VWA5B2: variants seen among roughly 807,000 people sequenced by gnomAD.
VWA5B2 encodes von Willebrand factor A domain-containing protein 5B2.
Under a neutral mutation model 118.5 loss-of-function variants are expected in VWA5B2, and 93 were observed. The observed-to-expected ratio is 0.79, with a 90% CI of 0.66 to 0.93. The LOEUF is 0.93. Among genes scored for constraint, VWA5B2 ranks in the 40% least tolerant of loss-of-function variants. The probability of loss-of-function intolerance (pLI) is 0.00; values close to 1 mark genes in which losing one functional copy is unlikely to be tolerated. For synonymous variants in VWA5B2, 708 were observed against 716.3 expected, an observed-to-expected ratio of 0.99 and a Z score of 0.19; for missense variants, 1,546 against 1,672.8, an observed-to-expected ratio of 0.92 and a Z score of 1.32.
Position 184,233,604 on chromosome 3 carries a change from C to T in VWA5B2, c.559C>T (p.Leu187Phe), listed in dbSNP as rs1172197744. ...SPTSCFGVGSLQEEGLAWEEL... is the reference protein window; with the variant it reads ...SPTSCFGVGSFQEEGLAWEEL... ...CACCAGCTGCTTCGGGGTGGGCAGCCTTCAGGAGGAAGGGCTGGCCTGGGA... is the reference window on the plus strand; with the variant it reads ...CACCAGCTGCTTCGGGGTGGGCAGCTTTCAGGAGGAAGGGCTGGCCTGGGA... The change falls in exon 5 of 20, where the codon CTT (leucine) becomes TTT (phenylalanine). Residue 187 changes from leucine to phenylalanine, a missense_variant. Transcript: ENST00000691901. The surrounding 1 kb of genome is among the most constrained non-coding windows in gnomAD (Gnocchi z 5.2). 1.3e-6 allele frequency: 2 copies of T among 1,551,084 alleles called. No homozygotes were observed. The highest frequency in any genetic ancestry group is 1.7e-6 in the Non-Finnish European group (2 of 1,146,884).
rs1176775801 is a variant in VWA5B2, at chr3:184,233,685, T to C, written c.640T>C (p.Tyr214His). The C allele has an allele frequency of 6.4e-7, 1 of 1,551,290 alleles. No homozygotes were observed. Among genetic ancestry groups the C allele is most frequent in the Non-Finnish European group, 8.7e-7 (1 of 1,147,004 alleles). ...AGGCCCTGCCCGCTGCCCTGCCCCA[T>C]ATACCTTCTCCTTCGAGATGCTGGT... is the stretch of plus-strand genomic sequence containing the variant. ...FSGPARCPAPYTFSFEMLVTG... is the reference protein window; with the variant it reads ...FSGPARCPAPHTFSFEMLVTG... Residue 214 changes from tyrosine to histidine, a missense_variant, in exon 5 of 20, where the codon TAT (tyrosine) becomes CAT (histidine). By Grantham distance (83) the Tyr-to-His change is moderately conservative. Transcript: ENST00000691901. This position sits in a 1 kb window ranked among gnomAD's most constrained non-coding sequence, Gnocchi z 5.2.
At position 184,238,750 on chromosome 3, in the gene VWA5B2, C is replaced by T; in HGVS notation, c.2079C>T (p.Gly693=). The change falls in exon 14 of 20, where the codon GGC becomes GGT. Residue 693 remains glycine, a synonymous_variant. Transcript: ENST00000691901. This position sits in a 1 kb window ranked among gnomAD's most constrained non-coding sequence, Gnocchi z 5.0. ...SSESPGSQGP[G]SPEGSAPLEP... The stretch of plus-strand genomic sequence containing the variant: ...AGTCCCCAGGCTCACAGGGCCCTGG[C>T]TCCCCCGAAGGTAGTGCTCCCTTGG... The T allele has an allele frequency of 1.3e-6, 2 of 1,550,890 alleles. No homozygotes were observed. The highest frequency in any genetic ancestry group is 1.7e-6 in the Non-Finnish European group (2 of 1,146,960).
rs755663773 is a variant in VWA5B2, at chr3:184,238,566, C to G, written c.1895C>G (p.Thr632Ser). 3.9e-6 allele frequency: 6 copies of G among 1,547,242 alleles called. No individual in the cohort carries two copies. The South Asian group carries it at 7.2e-5, about 18-fold the overall frequency. ...PWAARDSEQS[T>S]DALTDPVTDP... ...CCATTCTACTGCCTCCCAGCAGGTA[C>G]TGATGCTCTGACAGACCCAGTCACG... Residue 632 changes from threonine to serine, a missense_variant, in exon 14 of 20, where the codon ACT (threonine) becomes AGT (serine). Around this residue, in one of 3 missense-constraint regions of VWA5B2, gnomAD observed 775 missense variants for 882.3 expected, o/e 0.88. Transcript: ENST00000691901. This position sits in a 1 kb window ranked among gnomAD's most constrained non-coding sequence, Gnocchi z 5.0.
rs201781947 is a variant in VWA5B2 at position 184,235,824 on chromosome 3, ACAGT to A, written c.1102-324_1102-321del. Reference sequence around the variant, plus strand: ...GTCATGTGTACTTCCAGAGTCCCACACAGTCAGGTATACCTCCAGAGTCCCACAC... The same window carrying A: ...GTCATGTGTACTTCCAGAGTCCCACACAGGTATACCTCCAGAGTCCCACAC... On this transcript the variant is annotated intron_variant, in intron 8 of 19. Coordinates refer to ENST00000691901, the MANE Select transcript of VWA5B2 (RefSeq NM_001390846.1). Among the ~76,000 whole-genome samples the A allele has an allele frequency of 5.1e-3, 756 of 148,876 alleles. 11 individuals are homozygous for A. The highest frequency in any genetic ancestry group is 7.9e-3 in the Non-Finnish European group (523 of 65,954).
intron 8 of VWA5B2, among the ~76,000 whole-genome samples, 181 bp downstream of exon 8, chr3:184,235,489 CCAAA>C (rs1273376181): frequency 6.6e-6 from 1 of 152,154 alleles, no homozygotes; most frequent in Non-Finnish European, 1.5e-5. Context: ...GCTCCAACCG[CCAAA>C]CAGACACTGT....
intron 1 of VWA5B2, among the ~76,000 whole-genome samples, 134 bp downstream of exon 1, chr3:184,229,847 G>T (rs963438945): frequency 1.2e-4 from 19 of 152,248 alleles, no homozygotes; most frequent in African/African-American, 2.2e-4. Context: ...CGGTAACCTG[G>T]CGGCTCCCAC....
intron 1 of VWA5B2, among the ~76,000 whole-genome samples, 160 bp downstream of exon 1, chr3:184,229,873 C>T (rs1717192397): frequency 1.3e-5 from 2 of 152,156 alleles, no homozygotes; most frequent in Non-Finnish European, 1.5e-5. Context: ...CTCCCTGGCC[C>T]GACACCTCTC....
At position 184,241,284 on chromosome 3, in the gene VWA5B2, TCGC is replaced by T; in HGVS notation, c.3065_3067del (p.Arg1022del). The T allele has an allele frequency of 6.4e-7, 1 of 1,551,312 alleles. No individual in the cohort carries two copies. Among genetic ancestry groups the T allele is most frequent in the East Asian group, 2.4e-5 (1 of 40,916 alleles). On this transcript the variant is annotated inframe_deletion, in exon 19 of 20. Coordinates refer to ENST00000691901, the MANE Select transcript of VWA5B2 (RefSeq NM_001390846.1). The surrounding 1 kb of genome is among the most constrained non-coding windows in gnomAD (Gnocchi z 5.1). Reference sequence around the variant, plus strand: ...ACCCTGCCACTCCCACGGAAGGTCCTCGCCGCCCACCTCCCCGTCCTCCCTGTC... The same window carrying T: ...ACCCTGCCACTCCCACGGAAGGTCCTCGCCCACCTCCCCGTCCTCCCTGTC...
chr3:184,238,209 C>A lies in VWA5B2; in HGVS notation c.1720-94C>A. 9.1e-7 allele frequency: 1 copy of A among 1,102,648 alleles called. No individual in the cohort carries two copies. Among genetic ancestry groups the A allele is most frequent in the Non-Finnish European group, 1.3e-6 (1 of 790,198 alleles). The allele number at this position is 1,102,648 out of a possible 1,614,324, so 68.3% of individuals were successfully genotyped here. On this transcript the variant is annotated intron_variant, in intron 12 of 19. Coordinates refer to ENST00000691901, the MANE Select transcript of VWA5B2 (RefSeq NM_001390846.1). This position sits in a 1 kb window ranked among gnomAD's most constrained non-coding sequence, Gnocchi z 5.0. Reference sequence around the variant, plus strand: ...TGGTCTTTTGTTTCTGGTTTATTAGCTTTGTTGCCTCTTGCTGTGAGCCAT... The same window carrying A: ...TGGTCTTTTGTTTCTGGTTTATTAGATTTGTTGCCTCTTGCTGTGAGCCAT...
chr3:184,235,839 T>G (rs1717917707), intron 8 of VWA5B2, among the ~76,000 whole-genome samples: 1 of 142,120 alleles, frequency 7.0e-6, no homozygotes, highest in African/African-American at 2.7e-5. Flanking sequence ...CAGGTATACC[T>G]CCAGAGTCCC....
In VWA5B2 at chr3:184,237,456, G is replaced by A; in HGVS notation, c.1719+45G>A. On this transcript the variant is annotated intron_variant, in intron 12 of 19. Transcript: ENST00000691901. This position sits in a 1 kb window ranked among gnomAD's most constrained non-coding sequence, Gnocchi z 5.6. ...TGGTAGGGGGGCTAGGGTGAGGTAG[G>A]GGGGCCTGGGATGGCTGAAGTCCCC... 1.3e-6 allele frequency: 2 copies of A among 1,517,022 alleles called. No individual in the cohort carries two copies. Among genetic ancestry groups the A allele is most frequent in the South Asian group, 1.2e-5 (1 of 80,910 alleles). The allele number at this position is 1,517,022 out of a possible 1,614,324, so 94.0% of individuals were successfully genotyped here.
At chr3:184,234,983 AACAGAAG>A in intron 7 of VWA5B2, 163 bp from the exon 8 acceptor site, 1 of 1,076,188 alleles carries the variant, frequency 9.3e-7, no homozygotes, top group South Asian at 1.7e-5. Context: ...GTCTGATATA[AACAGAAG>A]ACAGCCACCT....
chr3:184,236,384 G>C lies in VWA5B2; in HGVS notation c.1254G>C (p.Gln418His), dbSNP rs779307805. The C allele has an allele frequency of 1.3e-6, 2 of 1,546,588 alleles. No homozygotes were observed. The highest frequency in any genetic ancestry group is 2.0e-5 in the Admixed American group (1 of 50,934). Residue 418 changes from glutamine (Q) to histidine (H), a missense_variant, in exon 10 of 20, where the codon CAG becomes CAC. Physicochemically the swap from Gln to His is conservative, Grantham distance 24. Coordinates refer to ENST00000691901, the MANE Select transcript of VWA5B2 (RefSeq NM_001390846.1). ...TCTGCGAGAGCATTGAGACCCTGCA[G>C]GTTCCGAGTGGGCCCCCAGACGTGC... ...QLICESIETL[Q>H]VPSGPPDVLA...
chr3:184,240,598 A>C, intron 16 of VWA5B2, 193 bp from the exon 17 acceptor site: 2 of 748,168 alleles, frequency 2.7e-6, no homozygotes, highest in Non-Finnish European at 2.1e-6. Flanking sequence ...TTGCTCTGCT[A>C]TGGGTTGAAG....
At chr3:184,234,863 G>A (rs1454236001) in intron 7 of VWA5B2, 108 bp downstream of exon 7, 24 of 1,468,524 alleles carry the variant, frequency 1.6e-5, no homozygotes, top group East Asian at 9.9e-5. Flanking sequence ...CTCTTTTCTC[G>A]GTAAGATCTC....
Position 184,242,271 on chromosome 3 carries a change from C to G in VWA5B2, c.*233C>G. 2 of 739,082 alleles carry G rather than the reference C, an allele frequency of 2.7e-6. No individual in the cohort carries two copies. Among genetic ancestry groups the G allele is most frequent in the Non-Finnish European group, 4.6e-6 (2 of 437,240 alleles). 45.8% of individuals were successfully genotyped at this position (739,082 alleles called of 1,614,324 possible). A position where few individuals can be genotyped will look rare whatever the true frequency, so the allele number is the denominator to read the frequency against. On this transcript the variant is annotated 3_prime_UTR_variant, in exon 20 of 20. Coordinates refer to ENST00000691901, the MANE Select transcript of VWA5B2 (RefSeq NM_001390846.1). ...TCCATCCTCTGAGCTCCCTGCAACA[C>G]AGTGGAAGGGTAGAGAGCCACAGTC... is the stretch of plus-strand genomic sequence containing the variant.
rs1220172194 is a variant in VWA5B2, at chr3:184,241,246, C to A, written c.3022C>A (p.Arg1008Ser). Residue 1008 changes from arginine to serine, a missense_variant, in exon 19 of 20, where the codon CGT becomes AGT. Physicochemically the swap from Arg to Ser is moderately radical, Grantham distance 110. This residue lies in a region of VWA5B2 where 763 missense variants were observed against 766.6 expected (regional missense o/e 1.00). Transcript: ENST00000691901. This position sits in a 1 kb window ranked among gnomAD's most constrained non-coding sequence, Gnocchi z 5.1. ...CTCGGACCAAAATGGCAACTCCAAGCGTGCTTTGGGGGACCCTGCCACTCC... is the reference window on the plus strand; with the variant it reads ...CTCGGACCAAAATGGCAACTCCAAGAGTGCTTTGGGGGACCCTGCCACTCC... Reference protein sequence around the residue: ...WDSDQNGNSKRALGDPATPTE... With the variant: ...WDSDQNGNSKSALGDPATPTE... The A allele has an allele frequency of 6.4e-7, 1 of 1,551,064 alleles. No individual in the cohort carries two copies. The highest frequency in any genetic ancestry group is 8.7e-7 in the Non-Finnish European group (1 of 1,146,920).
Position 184,241,706 on chromosome 3 carries a change from G to C in VWA5B2, c.3397G>C (p.Gly1133Arg). 1 of 1,508,814 alleles carries C rather than the reference G, an allele frequency of 6.6e-7. No homozygotes were observed. Among genetic ancestry groups the C allele is most frequent in the Admixed American group, 2.1e-5 (1 of 48,368 alleles). 93.5% of individuals were successfully genotyped at this position (1,508,814 alleles called of 1,614,324 possible). A position where few individuals can be genotyped will look rare whatever the true frequency, so the allele number is the denominator to read the frequency against. ...TASCSPSPSS[G>R]SEGPGQVDSG... ...CTCCTGCAGCCCGTCCCCCAGCTCG[G>C]GCTCTGAGGGGCCAGGCCAGGTGGA... Residue 1133 changes from glycine (G) to arginine (R), a missense_variant, in exon 20 of 20, where the codon GGC (glycine) becomes CGC (arginine). By Grantham distance (125) the Gly-to-Arg change is moderately radical. Transcript: ENST00000691901. This position sits in a 1 kb window ranked among gnomAD's most constrained non-coding sequence, Gnocchi z 5.1.
rs1394282601 is a variant in VWA5B2 at position 184,242,323 on chromosome 3, C to G, written c.*285C>G. 3.7e-6 allele frequency: 3 copies of G among 819,278 alleles called. No homozygotes were observed. The highest frequency in any genetic ancestry group is 2.7e-5 in the East Asian group (1 of 37,638). 50.8% of individuals were successfully genotyped at this position (819,278 alleles called of 1,614,324 possible). On this transcript the variant is annotated 3_prime_UTR_variant, in exon 20 of 20. Transcript: ENST00000691901. Reference sequence around the variant, plus strand: ...CCAAATCCTATGCAATAAAGTGCCTCTTAGGACTGCTTGAGTGAATTCTTT... The same window carrying G: ...CCAAATCCTATGCAATAAAGTGCCTGTTAGGACTGCTTGAGTGAATTCTTT...
Sources: gnomAD v4.1 joint callset for allele counts (sites outside exome capture counted in the v4.1 genomes callset) on GRCh38, gnomAD v4.1.1 for gene constraint, gnomAD v4.1.1 regional missense constraint, Gnocchi (gnomAD v3.1) non-coding constraint, MANE v1.5 for transcripts, NCBI Gene and HGNC (gene_info 2026-07-23, HGNC 2026-07-21) for gene names.